The following ZDHHC7 variants were observed in gnomAD, a reference collection of about 807,000 sequenced individuals.
The protein encoded by ZDHHC7 is palmitoyltransferase ZDHHC7.
In ZDHHC7, 12 loss-of-function variants were observed where a neutral mutation model predicts 34.1. That is an observed-to-expected ratio of 0.35 (90% CI 0.23 to 0.57). ZDHHC7 has a LOEUF of 0.57. Among genes scored for constraint, ZDHHC7 ranks in the 20% least tolerant of loss-of-function variants. The pLI, the probability that ZDHHC7 is intolerant of heterozygous loss-of-function variation, is 0.84. For synonymous variants in ZDHHC7, 185 were observed against 155.4 expected (o/e 1.19, Z -1.42); for missense variants, 388 against 402.7 (o/e 0.96, Z 0.31).
chr16:84,989,967 G>A (rs1050445232), intron 3 of ZDHHC7, among the ~76,000 whole-genome samples: 46 of 152,142 alleles, frequency 3.0e-4, no homozygotes, highest in African/African-American at 1.1e-3. Flanking sequence ...TAGAGGTGAC[G>A]GATGGCTGAG....
At chr16:85,007,136 A>C (rs1199894096) in intron 1 of ZDHHC7, among the ~76,000 whole-genome samples, 1 of 151,974 alleles carries the variant, frequency 6.6e-6, no homozygotes, top group Non-Finnish European at 1.5e-5. Flanking sequence ...TCAAGAATGG[A>C]ATGGAGGCTG....
At chr16:85,016,541 G>A in the ZDHHC7 span, among the ~76,000 whole-genome samples, 15 of 151,482 alleles carry the variant, frequency 9.9e-5, no homozygotes, top group African/African-American at 2.9e-4. Context: ...CTGCAGCCTC[G>A]AACTCCTTGG....
intron 3 of ZDHHC7, among the ~76,000 whole-genome samples, chr16:84,989,061 G>A (rs558043214): frequency 2.6e-5 from 4 of 152,328 alleles, no homozygotes; most frequent in Non-Finnish European, 5.9e-5. Flanking sequence ...GACCTGCCGC[G>A]TAAAAGGAAA....
Position 84,990,521 on chromosome 16 carries a change from G to C in ZDHHC7, c.98C>G (p.Ala33Gly). 1 of 1,614,198 alleles carries C rather than the reference G, an allele frequency of 6.2e-7. No homozygotes were observed. The highest frequency in any genetic ancestry group is 8.5e-7 in the Non-Finnish European group (1 of 1,180,030). The change falls in exon 3 of 8, where the codon GCT (alanine) becomes GGT (glycine). Residue 33 changes from alanine to glycine, a missense_variant. Physicochemically the swap from Ala to Gly is moderately conservative, Grantham distance 60 (BLOSUM62 0). Transcript: ENST00000313732. Reference protein sequence around the residue: ...YDSSSSSSSEADVADRVWFIR... With the variant: ...YDSSSSSSSEGDVADRVWFIR... ...GAACCAGACCCGGTCAGCCACGTCA[G>C]CCTCGGAGGAGGAGGACGATGAAGA... is the stretch of plus-strand genomic sequence containing the variant.
At chr16:85,022,698 G>A in the ZDHHC7 span, among the ~76,000 whole-genome samples, 112 of 152,114 alleles carry the variant, frequency 7.4e-4, no homozygotes, top group African/African-American at 2.6e-3. Flanking sequence ...AAGGAAAAAA[G>A]GTACCTTTAC....
chr16:85,011,497 G>A lies in ZDHHC7; in HGVS notation c.-315C>T, dbSNP rs2270845. On this transcript the variant is annotated 5_prime_UTR_variant, in exon 1 of 8. Transcript: ENST00000313732. ...AGCCAAGCAAATGCCTCAGCCCGGA[G>A]CCTTGGCTGGAGAGCGGGGCGGTGC... 25,059 of 152,276 alleles carry A rather than the reference G, an allele frequency of 0.16. 2,571 individuals carry two copies. Among genetic ancestry groups the A allele is most frequent in the Admixed American group, 0.29 (4,406 of 15,296 alleles). 9.4% of individuals were successfully genotyped at this position (152,276 alleles called of 1,614,324 possible).
upstream of ZDHHC7, among the ~76,000 whole-genome samples, chr16:85,012,938 T>A (rs2072813345): frequency 6.6e-6 from 1 of 151,912 alleles, no homozygotes; most frequent in East Asian, 1.9e-4. Flanking sequence ...CCAGAATATA[T>A]CACCGCAAAA....
At chr16:84,977,817 CA>C (rs57465878) in intron 6 of ZDHHC7, 106 bp downstream of exon 6, 239,603 of 825,616 alleles carry the variant, frequency 0.29, 38,290 homozygotes, top group Admixed American at 0.48. Flanking sequence ...AAAATAATTG[CA>C]ATGATTTCCT....
the ZDHHC7 span, among the ~76,000 whole-genome samples, chr16:85,027,472 A>T: frequency 6.6e-6 from 1 of 152,134 alleles, no homozygotes; most frequent in African/African-American, 2.4e-5. Context: ...CATGCCCCCA[A>T]CTAAATCATG....
chr16:85,022,342 G>A, the ZDHHC7 span, among the ~76,000 whole-genome samples: 1 of 151,940 alleles, frequency 6.6e-6, no homozygotes, highest in Non-Finnish European at 1.5e-5. Context: ...CCAACATGGT[G>A]AAACCCTAAC....
chr16:85,011,892 G>C (rs3809615), upstream of ZDHHC7, among the ~76,000 whole-genome samples: 31,070 of 152,142 alleles, frequency 0.2, 3,313 homozygotes, highest in Admixed American at 0.3. Flanking sequence ...AAGGAAATGG[G>C]AAAGTAAGGG....
chr16:85,010,359 A>G (rs931542194), intron 1 of ZDHHC7, among the ~76,000 whole-genome samples: 15 of 152,204 alleles, frequency 9.9e-5, no homozygotes, highest in African/African-American at 3.4e-4. Flanking sequence ...AGGTGATTTC[A>G]GGTATGTAAA....
the ZDHHC7 span, among the ~76,000 whole-genome samples, chr16:85,018,280 G>T: frequency 6.6e-6 from 1 of 152,084 alleles, no homozygotes; most frequent in Non-Finnish European, 1.5e-5. Flanking sequence ...AATAAAAAGA[G>T]GCAAAACTGA....
chr16:85,012,861 C>A (rs1356861824), upstream of ZDHHC7, among the ~76,000 whole-genome samples: 2 of 152,058 alleles, frequency 1.3e-5, no homozygotes, highest in Non-Finnish European at 2.9e-5. Context: ...GGGCCGAGAT[C>A]GCGCCATTGC....
chr16:84,996,193 C>A (rs2072574497), intron 1 of ZDHHC7, among the ~76,000 whole-genome samples, 186 bp from the exon 2 acceptor site: 1 of 152,154 alleles, frequency 6.6e-6, no homozygotes, highest in South Asian at 2.1e-4. Flanking sequence ...AATTCACAAT[C>A]CTGGAAATCA....
In ZDHHC7 at chr16:84,975,450, A is replaced by C. The variant is rs983091401; in HGVS notation, c.*893T>G. Reference sequence around the variant, plus strand: ...TATACACTGCTAATTTGGCTGGAACAAAAAAAAAAAATCAGTTCCAAGGCC... The same window carrying C: ...TATACACTGCTAATTTGGCTGGAACCAAAAAAAAAAATCAGTTCCAAGGCC... On this transcript the variant is annotated 3_prime_UTR_variant, in exon 8 of 8. Coordinates refer to ENST00000313732, the MANE Select transcript of ZDHHC7 (RefSeq NM_017740.3). 2.9e-5 allele frequency: 3 copies of C among 104,648 alleles called. No individual in the cohort carries two copies. Among genetic ancestry groups the C allele is most frequent in the African/African-American group, 1.1e-4 (3 of 27,088 alleles). 6.5% of individuals were successfully genotyped at this position (104,648 alleles called of 1,614,324 possible). A position where few individuals can be genotyped will look rare whatever the true frequency, so the allele number is the denominator to read the frequency against.
At chr16:85,015,673 C>A (rs2072831168), upstream of ZDHHC7, among the ~76,000 whole-genome samples, 3 of 151,988 alleles carry the variant, frequency 2.0e-5, no homozygotes, top group Admixed American at 2.0e-4. Context: ...TGTAATGACA[C>A]CCTGTCTACA....
chr16:84,994,706 C>G (rs1219779037), intron 2 of ZDHHC7, among the ~76,000 whole-genome samples: 1 of 152,144 alleles, frequency 6.6e-6, no homozygotes, highest in East Asian at 1.9e-4. Context: ...CAAACACTGG[C>G]CATGGCAGGA....
chr16:84,989,713 A>C (rs1340222540), intron 3 of ZDHHC7, among the ~76,000 whole-genome samples: 3 of 150,438 alleles, frequency 2.0e-5, no homozygotes, highest in Non-Finnish European at 4.4e-5. Flanking sequence ...AAAAAAAAAA[A>C]AGTCCTTATC....
Sources: gnomAD v4.1 joint callset for allele counts (sites outside exome capture counted in the v4.1 genomes callset) on GRCh38, gnomAD v4.1.1 for gene constraint, MANE v1.5 for transcripts, NCBI Gene and HGNC (gene_info 2026-07-23, HGNC 2026-07-21) for gene names.